The following PTK2 variants were observed in gnomAD, a reference collection of about 807,000 sequenced individuals.
PTK2 encodes the protein focal adhesion kinase 1.
In PTK2, 45 loss-of-function variants were observed where a neutral mutation model predicts 150.1. The ratio of observed to expected loss-of-function variants is 0.30; its 90% CI spans 0.24 to 0.38. The LOEUF (loss-of-function observed/expected upper bound fraction) is 0.38. Among genes scored for constraint, PTK2 ranks in the 10% least tolerant of loss-of-function variants. The probability of loss-of-function intolerance (pLI) is 1.00; values close to 1 mark genes in which losing one functional copy is unlikely to be tolerated. For synonymous variants in PTK2, 432 were observed against 449.2 expected (o/e 0.96, Z 0.48); for missense variants, 919 against 1,307.3 (o/e 0.70, Z 4.58).
intron 27 of PTK2, among the ~76,000 whole-genome samples, chr8:140,679,821 G>A (rs1360980817): frequency 6.6e-6 from 1 of 152,166 alleles, no homozygotes; most frequent in Non-Finnish European, 1.5e-5. Context: ...TCTAGTCAAA[G>A]GGTTCTCCCT....
At chr8:140,793,002 ATTAT>A (rs1239921461) in intron 13 of PTK2, among the ~76,000 whole-genome samples, 5 of 152,236 alleles carry the variant, frequency 3.3e-5, no homozygotes, top group Non-Finnish European at 7.3e-5. Context: ...ATTAACATAA[ATTAT>A]TTCTCTTTAA....
At chr8:140,993,843 C>T (rs375760242) in intron 1 of PTK2, among the ~76,000 whole-genome samples, 4 of 152,172 alleles carry the variant, frequency 2.6e-5, no homozygotes, top group East Asian at 1.9e-4. Context: ...GATCCTCCCA[C>T]CTCAGCTTCC....
intron 31 of PTK2, among the ~76,000 whole-genome samples, chr8:140,661,616 AT>A (rs1389089938): frequency 6.6e-6 from 1 of 152,204 alleles, no homozygotes; most frequent in Non-Finnish European, 1.5e-5. Flanking sequence ...GTGAAAAAGT[AT>A]TTTTTAATAA....
chr8:140,917,715 G>C (rs570179961), intron 2 of PTK2, among the ~76,000 whole-genome samples: 1 of 152,204 alleles, frequency 6.6e-6, no homozygotes, highest in South Asian at 2.1e-4. Flanking sequence ...AATCATTTAT[G>C]TCAACTATTT....
At chr8:140,840,146 C>T (rs1014390298) in intron 7 of PTK2, among the ~76,000 whole-genome samples, 11 of 152,210 alleles carry the variant, frequency 7.2e-5, no homozygotes, top group African/African-American at 2.2e-4. Flanking sequence ...GCAGCCACAA[C>T]AAGCTGGGCT....
chr8:140,938,880 T>C (rs1228853648), intron 1 of PTK2, among the ~76,000 whole-genome samples: 1 of 152,152 alleles, frequency 6.6e-6, no homozygotes, highest in Non-Finnish European at 1.5e-5. Context: ...TGGTGGTGCA[T>C]GCCTGTAATG....
intron 3 of PTK2, chr8:140,890,291 GA>G: frequency 2.6e-6 from 1 of 387,956 alleles, no homozygotes; most frequent in East Asian, 4.4e-5. Context: ...ACCTAGAAGG[GA>G]AAAATAAGTC....
chr8:140,661,972 G>A (rs960380879), intron 31 of PTK2, among the ~76,000 whole-genome samples: 2 of 152,170 alleles, frequency 1.3e-5, no homozygotes, highest in African/African-American at 4.8e-5. Flanking sequence ...AAAGGCAGAT[G>A]CAGGATCAAA....
In PTK2 at chr8:140,999,439, T is replaced by G. The variant is rs1484595848; in HGVS notation, c.-122+1686A>C. On this transcript the variant is annotated intron_variant, in intron 1 of 31. Coordinates refer to ENST00000522684, the Ensembl canonical transcript of PTK2. Reference sequence around the variant, plus strand: ...CAAGAAGGTTCAAAATGATGGTAGGTTCAGCCTGTTTTTCCCCACCAAGGA... The same window carrying G: ...CAAGAAGGTTCAAAATGATGGTAGGGTCAGCCTGTTTTTCCCCACCAAGGA... 2.0e-5 allele frequency among the ~76,000 whole-genome samples: 3 copies of G among 152,216 alleles called. No homozygotes were observed. The South Asian group carries it at 6.2e-4, about 31-fold the overall frequency.
At chr8:140,868,785 A>C (rs2100140862) in intron 4 of PTK2, among the ~76,000 whole-genome samples, 1 of 152,222 alleles carries the variant, frequency 6.6e-6, no homozygotes, top group Non-Finnish European at 1.5e-5. Flanking sequence ...AATGACACAG[A>C]TTAAGGAACT....
chr8:140,908,165 GA>G (rs2100161708), intron 2 of PTK2, among the ~76,000 whole-genome samples: 1 of 152,190 alleles, frequency 6.6e-6, no homozygotes, highest in Non-Finnish European at 1.5e-5. Flanking sequence ...CCTTATTGCT[GA>G]AACTGAGAAG....
intron 2 of PTK2, among the ~76,000 whole-genome samples, chr8:140,920,381 T>C (rs1019952716): frequency 6.6e-6 from 1 of 152,100 alleles, no homozygotes; most frequent in Admixed American, 6.6e-5. Flanking sequence ...TAATACCGAG[T>C]TTCAAATTGA....
intron 1 of PTK2, among the ~76,000 whole-genome samples, chr8:140,983,380 CAAAAAAAA>C (rs34040387): frequency 6.4e-5 from 5 of 78,540 alleles, no homozygotes; most frequent in African/African-American, 9.8e-5. Context: ...GACTCCATCT[CAAAAAAAA>C]AAAAAAAAAA....
chr8:140,975,659 T>C (rs933725213), intron 1 of PTK2, among the ~76,000 whole-genome samples: 2 of 152,134 alleles, frequency 1.3e-5, no homozygotes, highest in African/African-American at 2.4e-5. Flanking sequence ...AGGCTGTATG[T>C]GTATATGCGA....
At chr8:140,727,490 G>T (rs2100046563) in intron 22 of PTK2, among the ~76,000 whole-genome samples, 1 of 134,254 alleles carries the variant, frequency 7.4e-6, no homozygotes, top group Non-Finnish European at 1.6e-5. Flanking sequence ...GGATAGCAAT[G>T]CAAAAAAAAA....
intron 2 of PTK2, among the ~76,000 whole-genome samples, chr8:140,919,641 C>T (rs111609825): frequency 0.027 from 4,073 of 152,108 alleles, 75 homozygotes; most frequent in Middle Eastern, 0.054. Context: ...GTATAGAATT[C>T]TTTGGCTCTG....
chr8:140,927,961 A>AAAAAAAAAAAAAAAG (rs2100170198), intron 1 of PTK2, among the ~76,000 whole-genome samples: 4 of 32,756 alleles, frequency 1.2e-4, no homozygotes, highest in Non-Finnish European at 2.4e-4. Context: ...AAAAAAAGAA[A>AAAAAAAAAAAAAAAG]AAAAAAAAAA....
intron 1 of PTK2, among the ~76,000 whole-genome samples, chr8:140,967,412 C>T (rs1379722525): frequency 6.6e-6 from 1 of 151,646 alleles, no homozygotes; most frequent in Non-Finnish European, 1.5e-5. Context: ...CTGTTTGATG[C>T]TAAGTGCTAA....
In PTK2 at chr8:140,835,980, T is replaced by C. The variant is rs535646199; in HGVS notation, c.594-5454A>G. On this transcript the variant is annotated intron_variant, in intron 7 of 31. Coordinates refer to ENST00000522684, the Ensembl canonical transcript of PTK2. ...ACTCCCTGTGACGAGAATGGCATCC[T>C]GTCCAAGGCTGGCTCCTGACCTGCA... Among the ~76,000 whole-genome samples the C allele has an allele frequency of 4.6e-5, 7 of 152,218 alleles. No individual in the cohort carries two copies. The South Asian group carries it at 1.5e-3, about 32-fold the overall frequency.
Sources: allele counts gnomAD v4.1 joint callset (sites outside exome capture counted in the v4.1 genomes callset), GRCh38; gene constraint gnomAD v4.1.1; transcripts MANE v1.5; gene names NCBI Gene and HGNC (gene_info 2026-07-23, HGNC 2026-07-21).